The following ZNF334 variants were observed in gnomAD, a reference collection of about 807,000 sequenced individuals.
ZNF334 encodes zinc finger protein 334.
Under a neutral mutation model 12.4 loss-of-function variants are expected in ZNF334, and 14 were observed. The ratio of observed to expected loss-of-function variants is 1.13; its 90% confidence interval spans 0.74 to 1.76. ZNF334 has a LOEUF of 1.76. ZNF334 is among the 40% of genes most tolerant of loss of function. The pLI is 0.00. For synonymous variants in ZNF334, 273 were observed against 269.6 expected (o/e 1.01, Z -0.12); for missense variants, 797 against 804.5 (o/e 0.99, Z 0.11).
At chr20:46,488,434 T>G in the ZNF334 span, among the ~76,000 whole-genome samples, 3 of 140,208 alleles carry the variant, frequency 2.1e-5, no homozygotes, top group African/African-American at 8.4e-5. Context: ...TATATATATA[T>G]ATATATATAA....
At chr20:46,506,954 ATT>A (rs59230600) in intron 2 of ZNF334, among the ~76,000 whole-genome samples, 1 of 147,068 alleles carries the variant, frequency 6.8e-6, no homozygotes, top group African/African-American at 2.5e-5. Flanking sequence ...TCTCAAAAAA[ATT>A]TTTTTTTTTT....
intron 2 of ZNF334, among the ~76,000 whole-genome samples, chr20:46,508,461 G>A (rs889958438): frequency 2.6e-5 from 4 of 152,210 alleles, no homozygotes; most frequent in African/African-American, 9.6e-5. Flanking sequence ...ATGGCTCCTG[G>A]CTATGTTCAC....
the ZNF334 span, among the ~76,000 whole-genome samples, chr20:46,479,024 AG>A: frequency 3.3e-5 from 5 of 152,166 alleles, no homozygotes; most frequent in Non-Finnish European, 5.9e-5. Flanking sequence ...CCTCTGTATC[AG>A]TTATTTATTG....
chr20:46,508,582 C>T (rs112127740), intron 2 of ZNF334, among the ~76,000 whole-genome samples: 15 of 152,310 alleles, frequency 9.8e-5, no homozygotes, highest in African/African-American at 3.4e-4. Context: ...AGACCACCAT[C>T]GTTCTTCAGA....
chr20:46,490,637 T>C, the ZNF334 span, among the ~76,000 whole-genome samples: 2 of 152,340 alleles, frequency 1.3e-5, no homozygotes, highest in South Asian at 4.1e-4. Flanking sequence ...ATGGCCACTG[T>C]TGATCACTTA....
the ZNF334 span, among the ~76,000 whole-genome samples, chr20:46,490,603 T>C: frequency 6.6e-6 from 1 of 152,164 alleles, no homozygotes; most frequent in African/African-American, 2.4e-5. Context: ...TTATTTCAAG[T>C]TTAAAGAAAT....
At chr20:46,481,180 C>G in the ZNF334 span, 2 of 152,150 alleles carry the variant, frequency 1.3e-5, no homozygotes, top group Non-Finnish European at 2.9e-5. Flanking sequence ...CACAGGTGAA[C>G]TGCTTACTTC....
intron 1 of ZNF334, 77 bp downstream of exon 1, chr20:46,512,463 A>G: frequency 5.6e-6 from 1 of 179,288 alleles, no homozygotes; most frequent in Non-Finnish European, 1.2e-5. Flanking sequence ...CAAAGCCTGG[A>G]ACACTATTTT....
the ZNF334 span, chr20:46,485,736 TA>T: frequency 6.6e-6 from 1 of 152,168 alleles, no homozygotes; most frequent in Non-Finnish European, 1.5e-5. Flanking sequence ...TCATTTTATC[TA>T]AAGAGTAAAA....
At chr20:46,490,722 C>G in the ZNF334 span, 23 of 152,310 alleles carry the variant, frequency 1.5e-4, no homozygotes, top group African/African-American at 5.5e-4. Context: ...TCCTACCCCT[C>G]TAAAGTCTCC....
the ZNF334 span, among the ~76,000 whole-genome samples, chr20:46,483,971 T>C: frequency 6.6e-5 from 10 of 152,216 alleles, no homozygotes; most frequent in Non-Finnish European, 1.2e-4. Flanking sequence ...CTTTTGACTG[T>C]TCATATTGAG....
the ZNF334 span, among the ~76,000 whole-genome samples, chr20:46,483,292 T>C: frequency 1.0e-5 from 1 of 99,042 alleles, no homozygotes. Context: ...GCAGCTTCTA[T>C]TTTTTTTTCT....
chr20:46,495,679 T>C (rs1414126456), downstream of ZNF334, among the ~76,000 whole-genome samples: 1 of 152,164 alleles, frequency 6.6e-6, no homozygotes, highest in Non-Finnish European at 1.5e-5. Flanking sequence ...ATTCTGCCAC[T>C]AAGTCTGTCT....
In ZNF334 at chr20:46,500,227, A is replaced by G. The variant is rs944237930; in HGVS notation, c.*1069T>C. On this transcript the variant is annotated 3_prime_UTR_variant, in exon 5 of 5. Coordinates refer to ENST00000692313, the MANE Select transcript of ZNF334 (RefSeq NM_001353824.2). ...CCTGGGGCAGAATGCATAATGTGGC[A>G]GAGAAGCTAGGAATGGGTATAGGGA... 6.6e-6 allele frequency: 1 copy of G among 152,228 alleles called. No homozygotes were observed. The highest frequency in any genetic ancestry group is 1.5e-5 in the Non-Finnish European group (1 of 68,048). 9.4% of individuals were successfully genotyped at this position (152,228 alleles called of 1,614,324 possible).
At chr20:46,472,611 A>G in the ZNF334 span, among the ~76,000 whole-genome samples, 3 of 152,206 alleles carry the variant, frequency 2.0e-5, no homozygotes, top group African/African-American at 4.8e-5. Context: ...CCTTGTGTTC[A>G]AGGATTGGTA....
chr20:46,462,472 A>G, the ZNF334 span, among the ~76,000 whole-genome samples: 1 of 152,268 alleles, frequency 6.6e-6, no homozygotes, highest in Non-Finnish European at 1.5e-5. Context: ...CTGAAAGATC[A>G]GAAGTGGAAT....
chr20:46,498,559 T>C (rs147112234), downstream of ZNF334, among the ~76,000 whole-genome samples: 52 of 152,326 alleles, frequency 3.4e-4, 1 homozygote, highest in African/African-American at 1.2e-3. Flanking sequence ...CTGAACCACC[T>C]AGCCAAGTTA....
chr20:46,506,227 C>T, intron 2 of ZNF334: 1 of 452,068 alleles, frequency 2.2e-6, no homozygotes, highest in Non-Finnish European at 4.0e-6. Flanking sequence ...TATTTGAAAG[C>T]ATAAATAATG....
At chr20:46,489,003 C>T in the ZNF334 span, among the ~76,000 whole-genome samples, 4 of 151,112 alleles carry the variant, frequency 2.6e-5, no homozygotes, top group East Asian at 1.9e-4. Context: ...GAGTGTAATT[C>T]TCTTCATGTT....
Sources: gnomAD v4.1 joint callset for allele counts (sites outside exome capture counted in the v4.1 genomes callset) on GRCh38, gnomAD v4.1.1 for gene constraint, MANE v1.5 for transcripts, NCBI Gene and HGNC (gene_info 2026-07-23, HGNC 2026-07-21) for gene names.